AGO3: variants seen among roughly 807,000 people sequenced by gnomAD.
The protein encoded by AGO3 is argonaute RISC catalytic component 3.
In AGO3, 16 loss-of-function variants were observed where a neutral mutation model predicts 105.5. The ratio of observed to expected loss-of-function variants is 0.15; its 90% CI spans 0.10 to 0.23. The LOEUF (loss-of-function observed/expected upper bound fraction) is 0.23. AGO3 is among the 10% of genes least tolerant of loss of function. The pLI is 1.00. For synonymous variants in AGO3, 340 were observed against 367.3 expected, an observed-to-expected ratio of 0.93 and a Z score of 0.85; for missense variants, 534 against 1,088.0, an observed-to-expected ratio of 0.49 and a Z score of 7.16.
intron 1 of AGO3, among the ~76,000 whole-genome samples, chr1:35,944,236 C>CTT (rs879772985): frequency 2.1e-5 from 3 of 145,316 alleles, no homozygotes; most frequent in South Asian, 2.2e-4. Context: ...ATGAATAATA[C>CTT]TTTTTTTTTT....
At chr1:36,029,419 G>C (rs1204955486) in intron 12 of AGO3, among the ~76,000 whole-genome samples, 2 of 137,108 alleles carry the variant, frequency 1.5e-5, no homozygotes. Context: ...TTTTGAGAGA[G>C]AGTCTCGCTC....
At chr1:36,041,244 T>TC (rs1485640289) in intron 16 of AGO3, among the ~76,000 whole-genome samples, 3 of 136,922 alleles carry the variant, frequency 2.2e-5, no homozygotes, top group South Asian at 4.9e-4. Context: ...TCTTTTTTTT[T>TC]TTTTTTTTTT....
intron 11 of AGO3, among the ~76,000 whole-genome samples, chr1:36,014,453 C>T (rs1000517411): frequency 4.6e-5 from 7 of 151,620 alleles, no homozygotes; most frequent in African/African-American, 7.3e-5. Flanking sequence ...CCACTGTGCC[C>T]GGCCTAGTCA....
rs539367647 is a variant in AGO3, at chr1:36,026,296, T to C, written c.1407-818T>C. Among the ~76,000 whole-genome samples the C allele has an allele frequency of 4.6e-5, 7 of 152,162 alleles. No individual in the cohort carries two copies. In the South Asian group the frequency reaches 8.3e-4, roughly 18 times the overall value. ...ACTAGTTTCGTATTTTTAGTAGATA[T>C]GGGTTTTCGCCATGTTGGCCAAGCT... On this transcript the variant is annotated intron_variant, in intron 11 of 18. Coordinates refer to ENST00000373191, the MANE Select transcript of AGO3 (RefSeq NM_024852.4).
rs1245556730 is a variant in AGO3, at chr1:36,055,966, G to A, written c.*221G>A. 6.4e-6 allele frequency: 3 copies of A among 472,194 alleles called. No individual in the cohort carries two copies. Among genetic ancestry groups the A allele is most frequent in the Non-Finnish European group, 1.1e-5 (3 of 264,872 alleles). 29.3% of individuals were successfully genotyped at this position (472,194 alleles called of 1,614,324 possible). A position where few individuals can be genotyped will look rare whatever the true frequency, so the allele number is the denominator to read the frequency against. On this transcript the variant is annotated 3_prime_UTR_variant, in exon 19 of 19. Transcript: ENST00000373191. The surrounding 1 kb of genome is among the most constrained non-coding windows in gnomAD (Gnocchi z 4.4). ...ATATGAAACCAGCCAACTGCTTTTT[G>A]TGCGGTCTCCTATAGGAAGTATCGC...
intron 5 of AGO3, among the ~76,000 whole-genome samples, chr1:35,989,241 A>G (rs913116102): frequency 1.2e-4 from 18 of 152,186 alleles, no homozygotes; most frequent in African/African-American, 3.9e-4. Flanking sequence ...AAAGGGAGCA[A>G]TTCTCTCTAA....
intron 11 of AGO3, among the ~76,000 whole-genome samples, chr1:36,024,136 CT>C (rs543123565): frequency 0.015 from 1,962 of 128,914 alleles, 8 homozygotes; most frequent in African/African-American, 0.054. Flanking sequence ...TGACTGACTC[CT>C]TTTTTTTTTT....
intron 13 of AGO3, among the ~76,000 whole-genome samples, chr1:36,035,073 G>T (rs1641943835): frequency 6.6e-6 from 1 of 152,138 alleles, no homozygotes; most frequent in South Asian, 2.1e-4. Flanking sequence ...ATAAACATTA[G>T]AATAAGAATT....
intron 2 of AGO3, among the ~76,000 whole-genome samples, chr1:35,959,652 T>C (rs938950698): frequency 1.3e-5 from 2 of 152,172 alleles, no homozygotes; most frequent in African/African-American, 4.8e-5. Flanking sequence ...AAAAGTACTG[T>C]ATTTGAACAA....
At position 35,971,458 on chromosome 1, in the gene AGO3, CT is replaced by C. The variant is rs911735179; in HGVS notation, c.313-556del. ...ACATGCATGAGCCACTGCGCCTGGC[CT>C]TTTTTTTTTCTTTTTTTTAATATGT... is the stretch of plus-strand genomic sequence containing the variant. On this transcript the variant is annotated intron_variant, in intron 3 of 18. Coordinates refer to ENST00000373191, the MANE Select transcript of AGO3 (RefSeq NM_024852.4). Among the ~76,000 whole-genome samples, 44 of 147,202 alleles carry C rather than the reference CT, an allele frequency of 3.0e-4. No homozygotes were observed. In the East Asian group the frequency reaches 4.9e-3, roughly 16 times the overall value.
At chr1:35,995,944 G>C (rs532707794) in intron 5 of AGO3, among the ~76,000 whole-genome samples, 1 of 152,064 alleles carries the variant, frequency 6.6e-6, no homozygotes, top group Non-Finnish European at 1.5e-5. Flanking sequence ...CTCCCAAAGT[G>C]CTGGGATTAC....
chr1:35,977,942 G>T (rs1466406766), intron 5 of AGO3, among the ~76,000 whole-genome samples: 2 of 152,060 alleles, frequency 1.3e-5, no homozygotes, highest in African/African-American at 4.8e-5. Flanking sequence ...AGTGCTTTCT[G>T]ATTAAGAACA....
chr1:36,036,347 T>C, intron 14 of AGO3, 80 bp downstream of exon 14: 1 of 1,318,792 alleles, frequency 7.6e-7, no homozygotes. Flanking sequence ...TGAATTTTAA[T>C]ATTTTCTTTG....
At chr1:35,994,680 A>T (rs189090786) in intron 5 of AGO3, among the ~76,000 whole-genome samples, 60 of 152,354 alleles carry the variant, frequency 3.9e-4, no homozygotes, top group African/African-American at 1.4e-3. Context: ...GAATTTAGTG[A>T]GGTCACAGGA....
In AGO3 at chr1:36,059,361, G is replaced by A. The variant is rs910782105; in HGVS notation, c.*3616G>A. ...CTTCTTGAAATTTGTCCTATTTATT[G>A]TTGCATTTCTGGTGTAGAATTTCTA... On this transcript the variant is annotated 3_prime_UTR_variant, in exon 19 of 19. Transcript: ENST00000373191. 4 of 151,294 alleles carry A rather than the reference G, an allele frequency of 2.6e-5. No individual in the cohort carries two copies. The highest frequency in any genetic ancestry group is 5.9e-5 in the Non-Finnish European group (4 of 67,800). 9.4% of individuals were successfully genotyped at this position (151,294 alleles called of 1,614,324 possible). A position where few individuals can be genotyped will look rare whatever the true frequency, so the allele number is the denominator to read the frequency against.
chr1:36,009,093 T>TTTTTTTTTTTTTTTTGA, intron 8 of AGO3, 49 bp downstream of exon 8: 1 of 1,473,358 alleles, frequency 6.8e-7, no homozygotes, highest in Non-Finnish European at 8.8e-7. Context: ...ATGATTCTTT[T>TTTTTTTTTTTTTTTTGA]GGGGTCTTTT....
intron 5 of AGO3, among the ~76,000 whole-genome samples, chr1:35,992,965 A>G (rs898182228): frequency 3.9e-5 from 6 of 152,198 alleles, no homozygotes; most frequent in African/African-American, 1.4e-4. Flanking sequence ...GGACCTCTCT[A>G]TAAGGCTGGG....
At chr1:35,934,248 T>G (rs988955144) in intron 1 of AGO3, among the ~76,000 whole-genome samples, 1 of 152,216 alleles carries the variant, frequency 6.6e-6, no homozygotes, top group African/African-American at 2.4e-5. Flanking sequence ...TGTTTTCAGG[T>G]AATGTTAGAC....
At chr1:35,953,805 C>G (rs1646516724) in intron 2 of AGO3, among the ~76,000 whole-genome samples, 1 of 152,094 alleles carries the variant, frequency 6.6e-6, no homozygotes, top group African/African-American at 2.4e-5. Context: ...AGCCACTGTG[C>G]CTGCCTGCCC....
Sources: gnomAD v4.1 joint callset for allele counts (sites outside exome capture counted in the v4.1 genomes callset) on GRCh38, gnomAD v4.1.1 for gene constraint, Gnocchi (gnomAD v3.1) non-coding constraint, MANE v1.5 for transcripts, NCBI Gene and HGNC (gene_info 2026-07-23, HGNC 2026-07-21) for gene names.